The following HAUS6 variants were observed in gnomAD, a reference collection of about 807,000 sequenced individuals.
HAUS6 encodes the protein HAUS augmin like complex subunit 6.
Under a neutral mutation model 106.8 loss-of-function variants are expected in HAUS6, and 80 were observed. The ratio of observed to expected loss-of-function variants is 0.75; its 90% CI spans 0.63 to 0.90. The LOEUF is 0.90. Among genes scored for constraint, HAUS6 ranks in the 40% least tolerant of loss-of-function variants. The pLI, the probability that HAUS6 is intolerant of heterozygous loss-of-function variation, is 0.00. For synonymous variants in HAUS6, 356 were observed against 379.1 expected, an observed-to-expected ratio of 0.94 and a Z score of 0.71; for missense variants, 1,155 against 1,118.1, an observed-to-expected ratio of 1.03 and a Z score of -0.47.
intron 6 of HAUS6, 147 bp downstream of exon 6, chr9:19,086,944 G>C: frequency 4.8e-6 from 3 of 621,390 alleles, no homozygotes; most frequent in Admixed American, 3.1e-5. Flanking sequence ...AACTGGATTA[G>C]CAGTCATAAC....
At chr9:19,069,854 G>A (rs894852395) in intron 12 of HAUS6, among the ~76,000 whole-genome samples, 2 of 152,156 alleles carry the variant, frequency 1.3e-5, no homozygotes, top group East Asian at 3.8e-4. Context: ...CCAGCACTTT[G>A]GGAGGCCCCG....
At chr9:19,082,528 C>T (rs571031779) in intron 8 of HAUS6, among the ~76,000 whole-genome samples, 50 of 152,296 alleles carry the variant, frequency 3.3e-4, no homozygotes, top group African/African-American at 1.1e-3. Context: ...GTGGGTGGAT[C>T]ACCTGAGGTC....
rs573767459 is a variant in HAUS6, at chr9:19,056,194, T to C, written c.*149A>G. ...AACATACTTTCCTTACCTAAAAATA[T>C]TAAAGAAGGCTAAAAGGCATTAGGA... On this transcript the variant is annotated 3_prime_UTR_variant, in exon 17 of 17. Transcript: ENST00000380502. The C allele has an allele frequency of 2.5e-4, 131 of 518,156 alleles. 2 individuals are homozygous for C. In the South Asian group the frequency reaches 4.2e-3, roughly 17 times the overall value. 32.1% of individuals were successfully genotyped at this position (518,156 alleles called of 1,614,324 possible).
chr9:19,065,759 T>C lies in HAUS6; in HGVS notation c.1377-2179A>G, dbSNP rs376367479. 1.6e-4 allele frequency among the ~76,000 whole-genome samples: 24 copies of C among 152,066 alleles called. No homozygotes were observed. In the East Asian group the frequency reaches 4.5e-3, roughly 28 times the overall value. ...GGGAGGCTGAAGCAAGAGAATCGCT[T>C]GAACCCAGGAGGCAGCAGTTGCAGT... On this transcript the variant is annotated intron_variant, in intron 12 of 16. Coordinates refer to ENST00000380502, the MANE Select transcript of HAUS6 (RefSeq NM_017645.5).
At chr9:19,059,709 T>C (rs1836566453) in intron 15 of HAUS6, among the ~76,000 whole-genome samples, 1 of 152,356 alleles carries the variant, frequency 6.6e-6, no homozygotes, top group African/African-American at 2.4e-5. Context: ...ACATGGTTTA[T>C]GGCTGATGCT....
chr9:19,089,370 AAAAG>A (rs758079331), intron 5 of HAUS6, 38 bp downstream of exon 5: 16 of 1,346,876 alleles, frequency 1.2e-5, no homozygotes, highest in Admixed American at 1.7e-5. Context: ...ACATCTGTTC[AAAAG>A]AAAGAAATTA....
At chr9:19,102,144 G>A (rs1306759764) in intron 1 of HAUS6, among the ~76,000 whole-genome samples, 1 of 152,092 alleles carries the variant, frequency 6.6e-6, no homozygotes, top group Non-Finnish European at 1.5e-5. Context: ...CACCTTCAAA[G>A]GCTCCCTTGA....
intron 12 of HAUS6, 56 bp downstream of exon 12, chr9:19,070,163 T>G: frequency 9.9e-7 from 1 of 1,010,222 alleles, no homozygotes; most frequent in Non-Finnish European, 1.5e-6. Flanking sequence ...CATCTCTATT[T>G]TTTATAAAAT....
At chr9:19,092,713 C>G (rs1426838037) in intron 4 of HAUS6, among the ~76,000 whole-genome samples, 1 of 149,470 alleles carries the variant, frequency 6.7e-6, no homozygotes, top group African/African-American at 2.5e-5. Context: ...AATCTGAGGT[C>G]AGGAGTTCAA....
chr9:19,094,292 A>G (rs1817815190), intron 3 of HAUS6, 25 bp downstream of exon 3: 2 of 1,363,004 alleles, frequency 1.5e-6, no homozygotes, highest in African/African-American at 1.4e-5. Flanking sequence ...TAAAGTCTGT[A>G]TCTTCTAACA....
At chr9:19,080,840 G>A (rs1837128551) in intron 8 of HAUS6, among the ~76,000 whole-genome samples, 168 bp from the exon 9 acceptor site, 1 of 152,138 alleles carries the variant, frequency 6.6e-6, no homozygotes, top group Non-Finnish European at 1.5e-5. Flanking sequence ...GTTGGGGGTG[G>A]TGGGGGCGGA....
At chr9:19,084,940 CTTTT>C (rs890920917) in intron 7 of HAUS6, among the ~76,000 whole-genome samples, 1 of 148,564 alleles carries the variant, frequency 6.7e-6, no homozygotes, top group Non-Finnish European at 1.5e-5. Context: ...TTTTTTTTTT[CTTTT>C]TTAAGACGGG....
rs771642835 is a variant in HAUS6 at position 19,063,053 on chromosome 9, T to C, written c.1584A>G (p.Lys528=). Residue 528 remains lysine (K), a synonymous_variant, in exon 14 of 17, where the codon AAA becomes AAG. Coordinates refer to ENST00000380502, the MANE Select transcript of HAUS6 (RefSeq NM_017645.5). Reference sequence around the variant, plus strand: ...GCTCTTTTTGAAATGGATCACTTTTTTTAGCTGGCAAAGACCCTCCAAATG... The same window carrying C: ...GCTCTTTTTGAAATGGATCACTTTTCTTAGCTGGCAAAGACCCTCCAAATG... ...SSAFGGSLPA[K]KSDPFQKEQD... The C allele has an allele frequency of 5.6e-6, 9 of 1,611,872 alleles. No individual in the cohort carries two copies. Among genetic ancestry groups the C allele is most frequent in the South Asian group, 5.5e-5 (5 of 90,956 alleles).
At chr9:19,071,102 G>T (rs971796932) in intron 11 of HAUS6, among the ~76,000 whole-genome samples, 2 of 152,100 alleles carry the variant, frequency 1.3e-5, no homozygotes, top group African/African-American at 4.8e-5. Context: ...ATGTCCAAGT[G>T]GAACAGAAGC....
chr9:19,070,586 A>G (rs1836863392), intron 11 of HAUS6, among the ~76,000 whole-genome samples: 1 of 152,232 alleles, frequency 6.6e-6, no homozygotes. Flanking sequence ...TCATGTTTAC[A>G]TACACAGATC....
intron 3 of HAUS6, among the ~76,000 whole-genome samples, chr9:19,093,844 G>C (rs992317244): frequency 6.6e-6 from 1 of 152,076 alleles, no homozygotes; most frequent in Non-Finnish European, 1.5e-5. Flanking sequence ...ACTCCAGCCT[G>C]GGTGACAGAA....
chr9:19,093,131 T>A, intron 4 of HAUS6, 40 bp downstream of exon 4: 1 of 1,332,826 alleles, frequency 7.5e-7, no homozygotes, highest in South Asian at 1.3e-5. Context: ...AATAAAAATT[T>A]AAGAATCAAA....
intron 3 of HAUS6, among the ~76,000 whole-genome samples, chr9:19,093,766 G>A (rs566908802): frequency 6.6e-6 from 1 of 152,242 alleles, no homozygotes; most frequent in East Asian, 1.9e-4. Context: ...CTACTCAGGA[G>A]GCTGAGATGG....
intron 3 of HAUS6, among the ~76,000 whole-genome samples, chr9:19,094,028 A>G (rs1817809458): frequency 6.6e-6 from 1 of 152,234 alleles, no homozygotes; most frequent in African/African-American, 2.4e-5. Flanking sequence ...CTGGGCAAAC[A>G]AACTAAAATA....
Sources: gnomAD v4.1 joint callset for allele counts (sites outside exome capture counted in the v4.1 genomes callset) on GRCh38, gnomAD v4.1.1 for gene constraint, MANE v1.5 for transcripts, NCBI Gene and HGNC (gene_info 2026-07-23, HGNC 2026-07-21) for gene names.